PPARD: variants seen among roughly 807,000 people sequenced by gnomAD.
PPARD encodes peroxisome proliferator-activated receptor delta.
PPARD carries 6 observed loss-of-function variants against 39.5 expected under a neutral mutation model. That is an observed-to-expected ratio of 0.15 (90% confidence interval 0.08 to 0.30). The LOEUF is 0.30. Among genes scored for constraint, PPARD ranks in the 10% least tolerant of loss-of-function variants. The pLI, the probability that PPARD is intolerant of heterozygous loss-of-function variation, is 1.00. For synonymous variants in PPARD, 210 were observed against 231.3 expected, an observed-to-expected ratio of 0.91 and a Z score of 0.83; for missense variants, 397 against 596.8, an observed-to-expected ratio of 0.67 and a Z score of 3.49.
At chr6:35,422,040 T>A in intron 5 of PPARD, 82 bp downstream of exon 5, 1 of 1,467,754 alleles carries the variant, frequency 6.8e-7, no homozygotes. Flanking sequence ...TGGGGCAGCC[T>A]AGAGGGGGCA....
chr6:35,406,544 A>G (rs1041758397), intron 2 of PPARD, among the ~76,000 whole-genome samples: 4 of 152,226 alleles, frequency 2.6e-5, no homozygotes, highest in Admixed American at 2.0e-4. Flanking sequence ...GAGCAGCCCA[A>G]GGGACGTGGG....
chr6:35,401,961 G>C lies in PPARD; in HGVS notation c.-101-9026G>C, dbSNP rs975708311. ...CCGGCAGAACCACCCTACCCTGGAAGCCCTCTCCATGTAGTGTGAGGGGTC... is the reference window on the plus strand; with the variant it reads ...CCGGCAGAACCACCCTACCCTGGAACCCCTCTCCATGTAGTGTGAGGGGTC... On this transcript the variant is annotated intron_variant, in intron 2 of 7. Transcript: ENST00000360694. This position sits in a 1 kb window ranked among gnomAD's most constrained non-coding sequence, Gnocchi z 4.1. 2.6e-5 allele frequency among the ~76,000 whole-genome samples: 4 copies of C among 152,090 alleles called. No individual in the cohort carries two copies. Among genetic ancestry groups the C allele is most frequent in the Non-Finnish European group, 4.4e-5 (3 of 68,026 alleles).
rs202187365 is a variant in PPARD at position 35,426,253 on chromosome 6, G to A, written c.*174G>A. ...TCTGGCTCCCTGTGCCCTCTCTCCC[G>A]CTTCCTCCAGCCAGCTCTCTTCCTG... On this transcript the variant is annotated 3_prime_UTR_variant, in exon 8 of 8. Coordinates refer to ENST00000360694, the MANE Select transcript of PPARD (RefSeq NM_006238.5). The A allele has an allele frequency of 9.4e-5, 72 of 765,646 alleles. No individual in the cohort carries two copies. Among genetic ancestry groups the A allele is most frequent in the African/African-American group, 9.3e-4 (53 of 56,732 alleles). 47.4% of individuals were successfully genotyped at this position (765,646 alleles called of 1,614,324 possible). A position where few individuals can be genotyped will look rare whatever the true frequency, so the allele number is the denominator to read the frequency against.
At position 35,377,601 on chromosome 6, in the gene PPARD, T is replaced by C. The variant is rs1762883171; in HGVS notation, c.-102+30451T>C. Among the ~76,000 whole-genome samples, 3 of 152,216 alleles carry C rather than the reference T, an allele frequency of 2.0e-5. No individual in the cohort carries two copies. The South Asian group carries it at 6.2e-4, about 32-fold the overall frequency. On this transcript the variant is annotated intron_variant, in intron 2 of 7. Coordinates refer to ENST00000360694, the MANE Select transcript of PPARD (RefSeq NM_006238.5). ...GGTATGATTTTGGACAAGTTACTTATCCCTTCCATAACTCAGCTTTCTCAT... is the reference window on the plus strand; with the variant it reads ...GGTATGATTTTGGACAAGTTACTTACCCCTTCCATAACTCAGCTTTCTCAT...
At chr6:35,421,308 T>TG (rs1766146299) in intron 4 of PPARD, among the ~76,000 whole-genome samples, 2 of 40,572 alleles carry the variant, frequency 4.9e-5, no homozygotes, top group South Asian at 8.7e-4. Context: ...AAAATAGTTG[T>TG]GTTTTTTTTT....
At chr6:35,417,723 G>A (rs1426038189) in intron 3 of PPARD, among the ~76,000 whole-genome samples, 1 of 151,684 alleles carries the variant, frequency 6.6e-6, no homozygotes, top group African/African-American at 2.4e-5. Context: ...GTAGAGATGG[G>A]GTTTCACCAT....
At chr6:35,420,617 G>A (rs998480508) in intron 4 of PPARD, among the ~76,000 whole-genome samples, 4 of 152,178 alleles carry the variant, frequency 2.6e-5, no homozygotes, top group Admixed American at 6.5e-5. Flanking sequence ...TGTTTCTCAA[G>A]GCTCAAAGCG....
At position 35,394,116 on chromosome 6, in the gene PPARD, TC is replaced by T. The variant is rs1764174077; in HGVS notation, c.-101-16870del. On this transcript the variant is annotated intron_variant, in intron 2 of 7. Coordinates refer to ENST00000360694, the MANE Select transcript of PPARD (RefSeq NM_006238.5). ...TTATCTCCCCACCAGTCCCCCTCAT[TC>T]TCCCTTCCCTCCTGTTCTTAGACTG... Among the ~76,000 whole-genome samples the T allele has an allele frequency of 3.9e-5, 6 of 152,324 alleles. No homozygotes were observed. The South Asian group carries it at 1.0e-3, about 26-fold the overall frequency.
Position 35,421,776 on chromosome 6 carries a change from C to T in PPARD, c.286-44C>T, listed in dbSNP as rs201863904. Reference sequence around the variant, plus strand: ...TCGGGCCCTTTGGCACAGCCTCCCTCCCACCTCCTGGTGGCCTTTCCTCAC... The same window carrying T: ...TCGGGCCCTTTGGCACAGCCTCCCTTCCACCTCCTGGTGGCCTTTCCTCAC... On this transcript the variant is annotated intron_variant, in intron 4 of 7. Coordinates refer to ENST00000360694, the MANE Select transcript of PPARD (RefSeq NM_006238.5). 5.1e-5 allele frequency: 80 copies of T among 1,565,306 alleles called. No individual in the cohort carries two copies. In the East Asian group the frequency reaches 1.6e-3, roughly 32 times the overall value.
intron 2 of PPARD, among the ~76,000 whole-genome samples, chr6:35,374,364 G>GTAAAAAA (rs1260874503): frequency 6.6e-6 from 1 of 151,212 alleles, no homozygotes; most frequent in Non-Finnish European, 1.5e-5. Context: ...TGTTTTAGAA[G>GTAAAAAA]TAAAAAATAT....
chr6:35,388,843 C>T (rs1763835642), intron 2 of PPARD, among the ~76,000 whole-genome samples: 1 of 152,208 alleles, frequency 6.6e-6, no homozygotes, highest in Non-Finnish European at 1.5e-5. Flanking sequence ...CTTCCACCAC[C>T]TGGTCTAATC....
chr6:35,356,021 G>A (rs1761592338), intron 2 of PPARD, among the ~76,000 whole-genome samples: 1 of 151,836 alleles, frequency 6.6e-6, no homozygotes, highest in African/African-American at 2.4e-5. Context: ...CAGCCTCATG[G>A]TCACCTCAGC....
chr6:35,411,110 C>A lies in PPARD; in HGVS notation c.23C>A (p.Ala8Asp). The change falls in exon 3 of 8, where the codon GCC becomes GAC. Residue 8 changes from alanine (A) to aspartate (D), a missense_variant. Transcript: ENST00000360694. ...GCCATGGAGCAGCCACAGGAGGAAG[C>A]CCCTGAGGTCCGGGAAGAGGAGGAG... MEQPQEE[A>D]PEVREEEEKE... is the part of the protein sequence containing the mutation. The A allele has an allele frequency of 6.4e-7, 1 of 1,567,728 alleles. No homozygotes were observed. The highest frequency in any genetic ancestry group is 8.7e-7 in the Non-Finnish European group (1 of 1,155,598).
chr6:35,376,641 C>G (rs1346686768), intron 2 of PPARD, among the ~76,000 whole-genome samples: 2 of 152,142 alleles, frequency 1.3e-5, no homozygotes, highest in Admixed American at 1.3e-4. Context: ...TTTTTGTTCA[C>G]TGCTTAGTGC....
intron 2 of PPARD, among the ~76,000 whole-genome samples, chr6:35,357,538 CTT>C (rs752463569): frequency 2.1e-4 from 30 of 140,380 alleles, no homozygotes; most frequent in Admixed American, 3.6e-4. Context: ...CCACTGCCTA[CTT>C]TTTTTTTTTT....
rs200496881 is a variant in PPARD, at chr6:35,424,434, G to A, written c.733G>A (p.Val245Ile). ...LPPYKEISVH[V>I]FYRCQCTTVE... ...TCCCTACAAGGAGATCAGCGTGCAC[G>A]TCTTCTACCGCTGCCAGTGCACCAC... Residue 245 changes from valine to isoleucine, a missense_variant, in exon 7 of 8, where the codon GTC becomes ATC. Transcript: ENST00000360694. This position sits in a 1 kb window ranked among gnomAD's most constrained non-coding sequence, Gnocchi z 7.1. 125 of 1,614,052 alleles carry A rather than the reference G, an allele frequency of 7.7e-5. No individual in the cohort carries two copies. Among genetic ancestry groups the A allele is most frequent in the Non-Finnish European group, 1.0e-4 (121 of 1,180,032 alleles).
intron 2 of PPARD, chr6:35,348,535 C>T (rs887600114): frequency 4.1e-6 from 4 of 985,356 alleles, no homozygotes; most frequent in Non-Finnish European, 4.8e-6. Flanking sequence ...TGCTGGGGGC[C>T]GGGGAAACGT....
At chr6:35,367,313 G>A (rs1346670027) in intron 2 of PPARD, among the ~76,000 whole-genome samples, 1 of 152,152 alleles carries the variant, frequency 6.6e-6, no homozygotes, top group African/African-American at 2.4e-5. Context: ...GGTACCCTTG[G>A]CCCAAAAAGA....
chr6:35,424,056 T>A lies in PPARD; in HGVS notation c.535T>A (p.Ser179Thr). 1 of 1,614,150 alleles carries A rather than the reference T, an allele frequency of 6.2e-7. No homozygotes were observed. The highest frequency in any genetic ancestry group is 1.6e-4 in the Middle Eastern group (1 of 6,062). Residue 179 changes from serine (S) to threonine (T), a missense_variant, in exon 6 of 8, where the codon TCC becomes ACC. Ser to Thr is a moderately conservative substitution (Grantham distance 58). Coordinates refer to ENST00000360694, the MANE Select transcript of PPARD (RefSeq NM_006238.5). The surrounding 1 kb of genome is among the most constrained non-coding windows in gnomAD (Gnocchi z 7.1). ...ACAGGTGGCCGACCTGAAGGCCTTC[T>A]CCAAGCACATCTACAATGCCTACCT... ...NPQVADLKAF[S>T]KHIYNAYLKN... is the part of the protein sequence containing the mutation.
Sources: allele counts gnomAD v4.1 joint callset (sites outside exome capture counted in the v4.1 genomes callset), GRCh38; gene constraint gnomAD v4.1.1; non-coding constraint Gnocchi (gnomAD v3.1); transcripts MANE v1.5; gene names NCBI Gene and HGNC (gene_info 2026-07-23, HGNC 2026-07-21).